Variants in ZNF827 observed in about 807,000 individuals in gnomAD.
ZNF827 encodes zinc finger protein 827.
ZNF827 carries 13 observed loss-of-function variants against 102.4 expected under a neutral mutation model. The observed-to-expected ratio is 0.13, with a 90% CI of 0.08 to 0.20. The LOEUF is 0.20. ZNF827 is among the 10% of genes least tolerant of loss of function. ZNF827 has a pLI of 1.00. For synonymous variants in ZNF827, 523 were observed against 536.2 expected, an observed-to-expected ratio of 0.98 and a Z score of 0.34; for missense variants, 1,103 against 1,344.4, an observed-to-expected ratio of 0.82 and a Z score of 2.81.
rs772803860 is a variant in ZNF827, at chr4:145,823,533, G to C, written c.2280-8C>G. 10 of 1,571,570 alleles carry C rather than the reference G, an allele frequency of 6.4e-6. No homozygotes were observed. The highest frequency in any genetic ancestry group is 3.3e-5 in the South Asian group (3 of 90,034). On this transcript the variant is annotated splice_polypyrimidine_tract_variant and splice_region_variant and intron_variant, in intron 7 of 14. Coordinates refer to ENST00000508784, the MANE Select transcript of ZNF827 (RefSeq NM_001306215.2). Reference sequence around the variant, plus strand: ...TCTTCTGAAAAGAAAGGGCTGGGGTGGGGGAGGGGGAGTGAAGTTTAGTAA... The same window carrying C: ...TCTTCTGAAAAGAAAGGGCTGGGGTCGGGGAGGGGGAGTGAAGTTTAGTAA...
At chr4:145,784,544 C>T (rs1738569728) in intron 8 of ZNF827, among the ~76,000 whole-genome samples, 1 of 152,162 alleles carries the variant, frequency 6.6e-6, no homozygotes, top group African/African-American at 2.4e-5. Flanking sequence ...ACATTTCCAT[C>T]TTAATTATCT....
intron 7 of ZNF827, chr4:145,831,505 T>TCATATG (rs1255355015): frequency 6.6e-6 from 1 of 152,254 alleles, no homozygotes; most frequent in Non-Finnish European, 1.5e-5. Flanking sequence ...TCTCAATCAC[T>TCATATG]CTACTAGCAT....
At chr4:145,915,695 C>T (rs1054317005) in intron 1 of ZNF827, among the ~76,000 whole-genome samples, 1 of 152,154 alleles carries the variant, frequency 6.6e-6, no homozygotes, top group African/African-American at 2.4e-5. Flanking sequence ...TCACAATAGC[C>T]CCAAAAGTCT....
intron 1 of ZNF827, among the ~76,000 whole-genome samples, chr4:145,924,845 A>G (rs1045714120): frequency 6.6e-6 from 1 of 152,158 alleles, no homozygotes; most frequent in Non-Finnish European, 1.5e-5. Context: ...CTCTGGTTCA[A>G]TGAAGTCCCT....
chr4:145,803,693 T>C (rs191369476), intron 8 of ZNF827, among the ~76,000 whole-genome samples: 6 of 152,352 alleles, frequency 3.9e-5, no homozygotes, highest in African/African-American at 1.4e-4. Context: ...TTGGTGTATA[T>C]GACTCCCCAA....
chr4:145,789,464 A>T (rs1447689977), intron 8 of ZNF827, among the ~76,000 whole-genome samples: 1 of 152,250 alleles, frequency 6.6e-6, no homozygotes, highest in Non-Finnish European at 1.5e-5. Flanking sequence ...TGCATTAGTC[A>T]CTATATGATG....
intron 4 of ZNF827, among the ~76,000 whole-genome samples, chr4:145,877,301 A>G (rs897851570): frequency 2.0e-5 from 3 of 152,206 alleles, no homozygotes; most frequent in Non-Finnish European, 4.4e-5. Context: ...GTATGTATGT[A>G]TGTATGAACA....
intron 7 of ZNF827, among the ~76,000 whole-genome samples, chr4:145,841,075 G>A (rs1745371702): frequency 6.6e-6 from 1 of 152,182 alleles, no homozygotes; most frequent in African/African-American, 2.4e-5. Context: ...AGCAAGCCAG[G>A]TGTGAGAAAG....
chr4:145,874,835 CCT>C (rs1335973863), intron 4 of ZNF827, among the ~76,000 whole-genome samples: 1 of 152,192 alleles, frequency 6.6e-6, no homozygotes, highest in African/African-American at 2.4e-5. Flanking sequence ...CAAGAGGCCC[CCT>C]CTCTCGCTGT....
Position 145,760,713 on chromosome 4 carries a change from T to G in ZNF827, c.*903A>C. On this transcript the variant is annotated 3_prime_UTR_variant, in exon 15 of 15. Coordinates refer to ENST00000508784, the MANE Select transcript of ZNF827 (RefSeq NM_001306215.2). ...TACACCTGCTGGGGTTGTGTTTAAG[T>G]TTTGTGGTTTTTTTTTTTTTTTTTG... The G allele has an allele frequency of 8.0e-6, 8 of 995,524 alleles. No homozygotes were observed. Among genetic ancestry groups the G allele is most frequent in the African/African-American group, 2.3e-5 (1 of 43,786 alleles). The allele number at this position is 995,524 out of a possible 1,614,324, so 61.7% of individuals were successfully genotyped here.
intron 1 of ZNF827, among the ~76,000 whole-genome samples, chr4:145,909,423 C>T (rs1752107350): frequency 6.6e-6 from 1 of 152,368 alleles, no homozygotes. Flanking sequence ...TCTCATTCGC[C>T]TCTAGTCTCT....
chr4:145,775,370 A>T (rs1376108852), intron 10 of ZNF827, among the ~76,000 whole-genome samples: 1 of 152,226 alleles, frequency 6.6e-6, no homozygotes, highest in Non-Finnish European at 1.5e-5. Flanking sequence ...ACCATGGGGA[A>T]ATACGTAACG....
chr4:145,802,835 C>T (rs574838463), intron 8 of ZNF827, among the ~76,000 whole-genome samples: 17 of 152,162 alleles, frequency 1.1e-4, no homozygotes, highest in African/African-American at 3.9e-4. Context: ...CCCAGCTACT[C>T]GGGAGGCTGA....
At chr4:145,847,036 C>T (rs1325976733) in intron 6 of ZNF827, among the ~76,000 whole-genome samples, 1 of 152,040 alleles carries the variant, frequency 6.6e-6, no homozygotes, top group Non-Finnish European at 1.5e-5. Flanking sequence ...TGCCTGTAGT[C>T]CCAGCTACTT....
chr4:145,857,672 G>A (rs10008626), intron 5 of ZNF827, among the ~76,000 whole-genome samples: 29,306 of 152,036 alleles, frequency 0.19, 3,933 homozygotes, highest in East Asian at 0.63. Flanking sequence ...TCCTTCAGTC[G>A]CTGGGAGCTC....
intron 5 of ZNF827, among the ~76,000 whole-genome samples, chr4:145,855,322 A>C (rs893216400): frequency 1.3e-5 from 2 of 152,232 alleles, no homozygotes; most frequent in Non-Finnish European, 2.9e-5. Flanking sequence ...AATGGGATAA[A>C]TCAAAAATCT....
rs868586111 is a variant in ZNF827, at chr4:145,760,900, T to C, written c.*716A>G. The stretch of plus-strand genomic sequence containing the variant: ...GTGGAATGTGAGATCCAAGTGGTTC[T>C]TGGGGTATAACATTGTCAAGGGAAT... On this transcript the variant is annotated 3_prime_UTR_variant, in exon 15 of 15. Transcript: ENST00000508784. 2 of 1,232,938 alleles carry C rather than the reference T, an allele frequency of 1.6e-6. No homozygotes were observed. Among genetic ancestry groups the C allele is most frequent in the Middle Eastern group, 4.5e-4 (2 of 4,398 alleles). 76.4% of individuals were successfully genotyped at this position (1,232,938 alleles called of 1,614,324 possible).
chr4:145,827,975 C>G (rs746300110), intron 7 of ZNF827, among the ~76,000 whole-genome samples: 1 of 152,178 alleles, frequency 6.6e-6, no homozygotes, highest in African/African-American at 2.4e-5. Flanking sequence ...GTGGAAAAAG[C>G]ACTTCAGTAA....
chr4:145,805,918 G>C (rs553935960), intron 8 of ZNF827, among the ~76,000 whole-genome samples: 1 of 152,042 alleles, frequency 6.6e-6, no homozygotes, highest in Admixed American at 6.5e-5. Context: ...CTTCTGGGGA[G>C]TCTTTTCCTG....
Sources: allele counts gnomAD v4.1 joint callset (sites outside exome capture counted in the v4.1 genomes callset), GRCh38; gene constraint gnomAD v4.1.1; transcripts MANE v1.5; gene names NCBI Gene and HGNC (gene_info 2026-07-23, HGNC 2026-07-21).